Variants in HBS1L observed in about 807,000 individuals in gnomAD.
The protein encoded by HBS1L is HBS1-like protein.
In HBS1L, 55 loss-of-function variants were observed where a neutral mutation model predicts 88.9. That is an observed-to-expected ratio of 0.62 (90% CI 0.50 to 0.77). The LOEUF (loss-of-function observed/expected upper bound fraction) is 0.77, where lower values mean the gene tolerates loss of function less well. HBS1L is among the 30% of genes least tolerant of loss of function. The probability of loss-of-function intolerance (pLI) is 0.00; values close to 1 mark genes in which losing one functional copy is unlikely to be tolerated. For synonymous variants in HBS1L, 267 were observed against 288.5 expected, an observed-to-expected ratio of 0.93 and a Z score of 0.76; for missense variants, 741 against 829.3, an observed-to-expected ratio of 0.89 and a Z score of 1.31.
At chr6:135,023,695 G>A (rs1776140370) in intron 4 of HBS1L, among the ~76,000 whole-genome samples, 1 of 152,062 alleles carries the variant, frequency 6.6e-6, no homozygotes, top group Non-Finnish European at 1.5e-5. Flanking sequence ...TATATAACAG[G>A]TTTCTAACCA....
intron 5 of HBS1L, among the ~76,000 whole-genome samples, chr6:135,001,313 C>T (rs1224263062): frequency 6.6e-5 from 10 of 152,118 alleles, no homozygotes; most frequent in Non-Finnish European, 1.2e-4. Context: ...TTTATTGATA[C>T]ATTTATTACC....
intron 4 of HBS1L, among the ~76,000 whole-genome samples, chr6:135,021,998 C>T (rs1776084556): frequency 6.6e-6 from 1 of 152,090 alleles, no homozygotes; most frequent in Admixed American, 6.5e-5. Context: ...AAGCAGTTGG[C>T]CATATAGGTA....
intron 10 of HBS1L, among the ~76,000 whole-genome samples, chr6:134,986,448 T>C (rs781284678): frequency 1.3e-5 from 2 of 152,124 alleles, no homozygotes; most frequent in African/African-American, 2.4e-5. Flanking sequence ...AATTCTTCCC[T>C]ATCAGTTTCC....
At chr6:135,048,530 C>G (rs1230233555) in intron 2 of HBS1L, among the ~76,000 whole-genome samples, 4 of 152,190 alleles carry the variant, frequency 2.6e-5, no homozygotes, top group Admixed American at 6.5e-5. Flanking sequence ...AGCAAAGAAC[C>G]CTCTCCTCAA....
chr6:134,988,101 C>A (rs532482155), intron 8 of HBS1L, among the ~76,000 whole-genome samples: 1 of 152,100 alleles, frequency 6.6e-6, no homozygotes, highest in African/African-American at 2.4e-5. Context: ...CAGTGGCTCA[C>A]GCCTATAATC....
chr6:134,985,360 A>G lies in HBS1L; in HGVS notation c.1473T>C (p.Cys491=), dbSNP rs1774948711. The change falls in exon 12 of 18, where the codon TGT becomes TGC. Residue 491 remains cysteine, a synonymous_variant. Coordinates refer to ENST00000367837, the MANE Select transcript of HBS1L (RefSeq NM_006620.4). ...ACTTACCTTTGAAAACATCGGACAC[A>G]CATAATCTAAAAGGTTTGTCAATAG... ...QRSIDKPFRL[C]VSDVFKDQGS... The G allele has an allele frequency of 1.2e-6, 2 of 1,607,250 alleles. No homozygotes were observed. Among genetic ancestry groups the G allele is most frequent in the Non-Finnish European group, 1.7e-6 (2 of 1,176,928 alleles).
chr6:134,991,450 C>T (rs924242515), intron 8 of HBS1L, among the ~76,000 whole-genome samples: 6 of 152,048 alleles, frequency 3.9e-5, no homozygotes, highest in Non-Finnish European at 8.8e-5. Context: ...TGACTGAATC[C>T]GTAAATGCAA....
chr6:134,994,646 T>C (rs537466514), intron 7 of HBS1L, among the ~76,000 whole-genome samples: 2 of 152,302 alleles, frequency 1.3e-5, no homozygotes, highest in East Asian at 1.9e-4. Flanking sequence ...GGGAATCTTA[T>C]GCAACATTTT....
At chr6:134,966,215 C>T (rs1207136644) in intron 17 of HBS1L, 114 bp downstream of exon 17, 2 of 907,988 alleles carry the variant, frequency 2.2e-6, no homozygotes, top group East Asian at 2.6e-5. Flanking sequence ...AAGGCTTCTC[C>T]TAATCAATGC....
chr6:134,988,814 G>A (rs1287365467), intron 8 of HBS1L, among the ~76,000 whole-genome samples: 1 of 152,084 alleles, frequency 6.6e-6, no homozygotes, highest in Admixed American at 6.5e-5. Context: ...TCCACCTCTA[G>A]GGATTTATCC....
intron 4 of HBS1L, among the ~76,000 whole-genome samples, chr6:135,029,868 T>C (rs1035815977): frequency 6.6e-6 from 1 of 152,184 alleles, no homozygotes; most frequent in African/African-American, 2.4e-5. Flanking sequence ...GTGATACATA[T>C]ATAAGTGTTA....
At chr6:135,016,979 G>A (rs1438658777) in intron 4 of HBS1L, among the ~76,000 whole-genome samples, 1 of 152,034 alleles carries the variant, frequency 6.6e-6, no homozygotes, top group Non-Finnish European at 1.5e-5. Flanking sequence ...CATGTGTCCT[G>A]GGACAGAAAA....
At chr6:135,019,142 T>A (rs896670924) in intron 4 of HBS1L, among the ~76,000 whole-genome samples, 2 of 151,946 alleles carry the variant, frequency 1.3e-5, no homozygotes, top group Non-Finnish European at 2.9e-5. Flanking sequence ...ACCCTACTTT[T>A]GCAAATGAGG....
rs527313468 is a variant in HBS1L, at chr6:134,972,063, CT to C, written c.1798-2726del. On this transcript the variant is annotated intron_variant, in intron 15 of 17. Coordinates refer to ENST00000367837, the MANE Select transcript of HBS1L (RefSeq NM_006620.4). ...TTTGATTTTAGAGTGTTGTTCCCTT[CT>C]GTTATGTAACTTGTATGCATTATTT... Among the ~76,000 whole-genome samples, 434 of 152,278 alleles carry C rather than the reference CT, an allele frequency of 2.9e-3. 1 individual carries two copies. The highest frequency in any genetic ancestry group is 0.01 in the African/African-American group (422 of 41,574).
chr6:135,026,645 A>C (rs1025439579), intron 4 of HBS1L, among the ~76,000 whole-genome samples: 2 of 152,172 alleles, frequency 1.3e-5, no homozygotes, highest in Non-Finnish European at 2.9e-5. Flanking sequence ...AAGCAAAAGA[A>C]GGGATGAATA....
chr6:135,043,523 G>A (rs1025591026), intron 2 of HBS1L, among the ~76,000 whole-genome samples: 1 of 152,188 alleles, frequency 6.6e-6, no homozygotes, highest in Admixed American at 6.5e-5. Flanking sequence ...ATACTCGGAA[G>A]GTTAAAGCAT....
chr6:135,009,047 G>C (rs911915823), intron 4 of HBS1L, among the ~76,000 whole-genome samples: 3 of 152,072 alleles, frequency 2.0e-5, no homozygotes, highest in Non-Finnish European at 2.9e-5. Context: ...CCAAAGTTGA[G>C]ATATAAATTC....
At chr6:135,029,639 A>G (rs1463512024) in intron 4 of HBS1L, among the ~76,000 whole-genome samples, 2 of 152,274 alleles carry the variant, frequency 1.3e-5, no homozygotes, top group Non-Finnish European at 2.9e-5. Context: ...CAATTAGGCA[A>G]TATCTATCCA....
At chr6:134,998,947 G>A (rs1583093022) in intron 5 of HBS1L, among the ~76,000 whole-genome samples, 1 of 152,222 alleles carries the variant, frequency 6.6e-6, no homozygotes, top group East Asian at 1.9e-4. Context: ...ACTTTTAAAG[G>A]ATTCTAACAG....
Sources: allele counts gnomAD v4.1 joint callset (sites outside exome capture counted in the v4.1 genomes callset), GRCh38; gene constraint gnomAD v4.1.1; transcripts MANE v1.5; gene names NCBI Gene and HGNC (gene_info 2026-07-23, HGNC 2026-07-21).